The following SCHIP1 variants were observed in gnomAD, a reference collection of about 807,000 sequenced individuals.
SCHIP1 encodes the protein schwannomin interacting protein 1, also known as schwannomin-interacting protein 1.
Under a neutral mutation model 29.7 loss-of-function variants are expected in SCHIP1, and 8 were observed. The observed-to-expected ratio is 0.27, with a 90% CI of 0.16 to 0.49. The LOEUF (loss-of-function observed/expected upper bound fraction) is 0.49, where lower values mean the gene tolerates loss of function less well. SCHIP1 is among the 20% of genes least tolerant of loss of function. The pLI, the probability that SCHIP1 is intolerant of heterozygous loss-of-function variation, is 0.99. For synonymous variants in SCHIP1, 76 were observed against 94.9 expected (o/e 0.80, Z 1.16); for missense variants, 193 against 294.6 (o/e 0.66, Z 2.52).
chr3:159,580,179 TTCTG>T, the SCHIP1 span, among the ~76,000 whole-genome samples: 1 of 152,208 alleles, frequency 6.6e-6, no homozygotes, highest in Admixed American at 6.5e-5. Flanking sequence ...TACATTATCC[TTCTG>T]TCTATGTATT....
the SCHIP1 span, among the ~76,000 whole-genome samples, chr3:159,680,680 A>ATT: frequency 1.8e-4 from 13 of 70,664 alleles, no homozygotes; most frequent in African/African-American, 1.1e-3. Flanking sequence ...TTATATATAT[A>ATT]ATATATGTAT....
the SCHIP1 span, among the ~76,000 whole-genome samples, chr3:159,340,353 AATTTT>A: frequency 9.3e-3 from 1,410 of 152,182 alleles, 24 homozygotes; most frequent in African/African-American, 0.032. Context: ...CAATAAAAAT[AATTTT>A]ATCTCTAATA....
the SCHIP1 span, among the ~76,000 whole-genome samples, chr3:159,629,094 AAT>A: frequency 6.6e-6 from 1 of 152,050 alleles, no homozygotes; most frequent in Non-Finnish European, 1.5e-5. Context: ...GATAATGCAT[AAT>A]ATATTCTGTA....
At chr3:159,318,502 G>T in the SCHIP1 span, among the ~76,000 whole-genome samples, 33 of 152,334 alleles carry the variant, frequency 2.2e-4, no homozygotes, top group East Asian at 6.0e-3. Context: ...GTCCTTCAGG[G>T]ATGTCCTGGA....
At chr3:159,853,947 G>A (rs1181061319) in intron 1 of SCHIP1, among the ~76,000 whole-genome samples, 1 of 151,530 alleles carries the variant, frequency 6.6e-6, no homozygotes, top group African/African-American at 2.4e-5. Context: ...TTGAAAGTCA[G>A]TAAATATATT....
the SCHIP1 span, among the ~76,000 whole-genome samples, chr3:159,408,500 T>C: frequency 6.6e-6 from 1 of 151,876 alleles, no homozygotes; most frequent in African/African-American, 2.4e-5. Context: ...TTACAACTGA[T>C]ACTACAGAAT....
At chr3:159,491,247 G>A in the SCHIP1 span, among the ~76,000 whole-genome samples, 2 of 152,172 alleles carry the variant, frequency 1.3e-5, no homozygotes, top group East Asian at 3.9e-4. Context: ...GGGAGTGCTG[G>A]ACAGCGGGTG....
the SCHIP1 span, among the ~76,000 whole-genome samples, chr3:159,554,563 C>T: frequency 6.6e-6 from 1 of 152,102 alleles, no homozygotes; most frequent in Non-Finnish European, 1.5e-5. Flanking sequence ...AGTAAGAAGC[C>T]ATGGTATTTC....
At chr3:159,747,896 A>G in the SCHIP1 span, among the ~76,000 whole-genome samples, 1 of 152,236 alleles carries the variant, frequency 6.6e-6, no homozygotes, top group African/African-American at 2.4e-5. Flanking sequence ...AATGTAGGTT[A>G]ATATAAAAAT....
At chr3:159,373,492 T>C in the SCHIP1 span, among the ~76,000 whole-genome samples, 1 of 152,060 alleles carries the variant, frequency 6.6e-6, no homozygotes, top group East Asian at 1.9e-4. Context: ...TTATTATTTA[T>C]TGTATTCATC....
At chr3:159,646,679 A>G in the SCHIP1 span, among the ~76,000 whole-genome samples, 101 of 152,270 alleles carry the variant, frequency 6.6e-4, no homozygotes, top group African/African-American at 2.4e-3. Flanking sequence ...CTGGTCTGTC[A>G]TACCTCGTAC....
the SCHIP1 span, among the ~76,000 whole-genome samples, chr3:159,466,099 A>C: frequency 2.0e-5 from 3 of 152,278 alleles, no homozygotes; most frequent in Non-Finnish European, 4.4e-5. Context: ...AAAACATTTG[A>C]GTATCATTTA....
At chr3:159,279,244 A>G in the SCHIP1 span, among the ~76,000 whole-genome samples, 1 of 152,054 alleles carries the variant, frequency 6.6e-6, no homozygotes, top group Non-Finnish European at 1.5e-5. Context: ...ATGAGATCTG[A>G]TGGTTTTATA....
chr3:159,396,727 G>T, the SCHIP1 span, among the ~76,000 whole-genome samples: 2 of 151,910 alleles, frequency 1.3e-5, no homozygotes, highest in Admixed American at 6.6e-5. Flanking sequence ...AGGGTAACCC[G>T]ACCTTTCTCT....
chr3:159,463,856 A>G, the SCHIP1 span, among the ~76,000 whole-genome samples: 753 of 152,280 alleles, frequency 4.9e-3, 7 homozygotes, highest in Non-Finnish European at 8.2e-3. Context: ...TTTAAAATGT[A>G]CATCCTATAC....
the SCHIP1 span, among the ~76,000 whole-genome samples, chr3:159,630,268 G>GA: frequency 1.3e-5 from 2 of 152,050 alleles, no homozygotes; most frequent in African/African-American, 4.8e-5. Flanking sequence ...GGAAAATTAA[G>GA]AAAAAATTCC....
the SCHIP1 span, among the ~76,000 whole-genome samples, chr3:159,496,137 A>G: frequency 2.6e-5 from 4 of 152,264 alleles, no homozygotes; most frequent in African/African-American, 9.6e-5. Flanking sequence ...TTTAAACCTA[A>G]AACCATAAAA....
Sources: gnomAD v4.1 joint callset for allele counts (sites outside exome capture counted in the v4.1 genomes callset) on GRCh38, gnomAD v4.1.1 for gene constraint, MANE v1.5 for transcripts, NCBI Gene and HGNC (gene_info 2026-07-23, HGNC 2026-07-21) for gene names.